Variants in ECHDC2 observed in about 807,000 individuals in gnomAD.
ECHDC2 encodes enoyl-CoA hydratase domain-containing protein 2, mitochondrial.
ECHDC2 carries 34 observed loss-of-function variants against 40.6 expected under a neutral mutation model. The ratio of observed to expected loss-of-function variants is 0.84; its 90% confidence interval spans 0.64 to 1.11. The LOEUF is 1.11. Among genes scored for constraint, ECHDC2 ranks in the 50% most tolerant of loss-of-function variants. The pLI, the probability that ECHDC2 is intolerant of heterozygous loss-of-function variation, is 0.00. For synonymous variants in ECHDC2, 162 were observed against 166.6 expected, an observed-to-expected ratio of 0.97 and a Z score of 0.21; for missense variants, 392 against 400.7, an observed-to-expected ratio of 0.98 and a Z score of 0.19.
At chr1:52,906,123 G>A (rs1263431740) in intron 5 of ECHDC2, 2 of 355,212 alleles carry the variant, frequency 5.6e-6, no homozygotes, top group African/African-American at 4.3e-5. Context: ...TTCCTGCCCA[G>A]GCACCTTTGT....
rs1649091727 is a variant in ECHDC2 at position 52,910,351 on chromosome 1, C to CGTTTT, written c.277+1210_277+1214dup. ...TGTTACTTATATTTCACCACAATTTCGTTTTTTTTTTTTTTTTTTTTTTTT... is the reference window on the plus strand; with the variant it reads ...TGTTACTTATATTTCACCACAATTTCGTTTTGTTTTTTTTTTTTTTTTTTTTTTTT... On this transcript the variant is annotated intron_variant, in intron 3 of 9. Coordinates refer to ENST00000371522, the MANE Select transcript of ECHDC2 (RefSeq NM_001198961.2). 1.4e-4 allele frequency among the ~76,000 whole-genome samples: 5 copies of CGTTTT among 36,790 alleles called. No homozygotes were observed. The South Asian group carries it at 2.6e-3, about 19-fold the overall frequency. The allele number at this position is 36,790 out of a possible 152,430, so 24.1% of individuals were successfully genotyped here. A position where few individuals can be genotyped will look rare whatever the true frequency, so the allele number is the denominator to read the frequency against.
intron 1 of ECHDC2, chr1:52,920,575 T>C (rs980320823): frequency 5.4e-6 from 7 of 1,303,756 alleles, no homozygotes; most frequent in East Asian, 2.3e-5. Flanking sequence ...ACAAGTGGAA[T>C]TAAGAAATCT....
intron 1 of ECHDC2, chr1:52,913,422 C>G (rs1571984554): frequency 6.6e-6 from 1 of 152,324 alleles, no homozygotes; most frequent in East Asian, 1.9e-4. Context: ...AGCCCCATCA[C>G]TCAGCAGACA....
At chr1:52,910,288 A>G (rs911756863) in intron 3 of ECHDC2, among the ~76,000 whole-genome samples, 3 of 146,770 alleles carry the variant, frequency 2.0e-5, no homozygotes, top group Admixed American at 7.0e-5. Flanking sequence ...TGCCACTCTG[A>G]ATTGTACACT....
intron 7 of ECHDC2, 169 bp from the exon 8 acceptor site, chr1:52,899,393 C>T (rs1271279175): frequency 1.6e-6 from 1 of 632,202 alleles, no homozygotes. Context: ...AGCTGAGGTT[C>T]TTTTTCTATC....
chr1:52,907,713 C>G (rs552377275), intron 4 of ECHDC2, 155 bp downstream of exon 4: 4 of 639,396 alleles, frequency 6.3e-6, no homozygotes, highest in Admixed American at 2.9e-5. Context: ...GAACTGCCCT[C>G]GGTCATCCTC....
chr1:52,913,850 G>GT (rs1257101788), intron 1 of ECHDC2: 37 of 917,756 alleles, frequency 4.0e-5, no homozygotes, highest in Middle Eastern at 9.9e-4. Context: ...ATAATGACAC[G>GT]TATCTGCCTT....
chr1:52,913,003 T>TC (rs1649905636), intron 1 of ECHDC2: 1 of 152,220 alleles, frequency 6.6e-6, no homozygotes, highest in Non-Finnish European at 1.5e-5. Context: ...TATAATTTTA[T>TC]CACCCAGGTG....
intron 1 of ECHDC2, among the ~76,000 whole-genome samples, chr1:52,917,254 T>C (rs1214479505): frequency 1.4e-5 from 2 of 147,278 alleles, no homozygotes; most frequent in East Asian, 2.0e-4. Flanking sequence ...CACTGAAGGG[T>C]AGTGTGGAGA....
rs1040824518 is a variant in ECHDC2, at chr1:52,905,269, G to T, written c.458-179C>A. 9 of 626,880 alleles carry T rather than the reference G, an allele frequency of 1.4e-5. No homozygotes were observed. The African/African-American group carries it at 1.7e-4, about 12-fold the overall frequency. The allele number at this position is 626,880 out of a possible 1,614,324, so 38.8% of individuals were successfully genotyped here. ...AAGAGCCCTAGCCCAGAAGTCAGGA[G>T]CCCAGGCCCTTATTTCACCATGCCC... On this transcript the variant is annotated intron_variant, in intron 5 of 9. Coordinates refer to ENST00000371522, the MANE Select transcript of ECHDC2 (RefSeq NM_001198961.2).
chr1:52,912,057 T>C (rs1649646137), intron 1 of ECHDC2: 1 of 1,387,848 alleles, frequency 7.2e-7, no homozygotes, highest in South Asian at 1.6e-5. Context: ...CAACAGTGAC[T>C]ACCACAGTAG....
intron 4 of ECHDC2, chr1:52,907,530 G>A (rs749122258): frequency 5.3e-5 from 14 of 263,360 alleles, no homozygotes; most frequent in Non-Finnish European, 7.9e-5. Flanking sequence ...AGGGCTTGAA[G>A]GACAAGTAAA....
At position 52,896,582 on chromosome 1, in the gene ECHDC2, C is replaced by G. The variant is rs781645607; in HGVS notation, c.817G>C (p.Asp273His). 1.2e-6 allele frequency: 2 copies of G among 1,614,028 alleles called. No individual in the cohort carries two copies. The highest frequency in any genetic ancestry group is 4.5e-5 in the East Asian group (2 of 44,868). The part of the protein sequence containing the change: ...MCYAQNIPTR[D>H]RLEGMAAFRE... Reference sequence around the variant, plus strand: ...AAGGCTGCCATGCCCTCTAGCCGGTCCCGGGTTGGAATATTCTGCAACAAG... The same window carrying G: ...AAGGCTGCCATGCCCTCTAGCCGGTGCCGGGTTGGAATATTCTGCAACAAG... Residue 273 changes from aspartate (D) to histidine (H), a missense_variant, in exon 10 of 10, where the codon GAC becomes CAC. Transcript: ENST00000371522.
chr1:52,908,227 T>C (rs1369460176), intron 3 of ECHDC2, among the ~76,000 whole-genome samples: 1 of 152,112 alleles, frequency 6.6e-6, no homozygotes, highest in East Asian at 1.9e-4. Context: ...CCCACAGAAA[T>C]GGCTGGGTGC....
chr1:52,907,852 A>G lies in ECHDC2; in HGVS notation c.364+16T>C. ...ACCCCCAAACCCCCTCCTCCACCCCACACCCAGATCCTCACCGATGTCATT... is the reference window on the plus strand; with the variant it reads ...ACCCCCAAACCCCCTCCTCCACCCCGCACCCAGATCCTCACCGATGTCATT... On this transcript the variant is annotated intron_variant, in intron 4 of 9. Transcript: ENST00000371522. 6.7e-7 allele frequency: 1 copy of G among 1,500,672 alleles called. No individual in the cohort carries two copies. The highest frequency in any genetic ancestry group is 9.2e-7 in the Non-Finnish European group (1 of 1,090,128). The allele number at this position is 1,500,672 out of a possible 1,614,324, so 93.0% of individuals were successfully genotyped here. A position where few individuals can be genotyped will look rare whatever the true frequency, so the allele number is the denominator to read the frequency against.
chr1:52,902,797 G>T (rs1200430323), intron 7 of ECHDC2, among the ~76,000 whole-genome samples: 1 of 151,696 alleles, frequency 6.6e-6, no homozygotes, highest in Admixed American at 6.6e-5. Flanking sequence ...CCAAAATACC[G>T]GTGTTGTTTT....
At chr1:52,913,357 C>G (rs893955467) in intron 1 of ECHDC2, 1 of 152,220 alleles carries the variant, frequency 6.6e-6, no homozygotes, top group African/African-American at 2.4e-5. Flanking sequence ...TTTCTATACT[C>G]ATTTAGTCAC....
intron 3 of ECHDC2, 98 bp downstream of exon 3, chr1:52,911,468 A>G: frequency 1.7e-6 from 2 of 1,178,744 alleles, no homozygotes; most frequent in Non-Finnish European, 2.5e-6. Context: ...AATGGCAACA[A>G]TGAGTCCCAT....
intron 8 of ECHDC2, chr1:52,898,762 GGA>G: frequency 3.6e-6 from 1 of 274,632 alleles, no homozygotes; most frequent in Non-Finnish European, 7.0e-6. Context: ...TAACTAGATG[GGA>G]GAGTTGAGGT....
Sources: gnomAD v4.1 joint callset for allele counts (sites outside exome capture counted in the v4.1 genomes callset) on GRCh38, gnomAD v4.1.1 for gene constraint, MANE v1.5 for transcripts, NCBI Gene and HGNC (gene_info 2026-07-23, HGNC 2026-07-21) for gene names.